CHN2: variants seen among roughly 807,000 people sequenced by gnomAD.
The protein encoded by CHN2 is chimerin 2, also known as beta-chimaerin.
CHN2 carries 35 observed loss-of-function variants against 56.3 expected under a neutral mutation model. The ratio of observed to expected loss-of-function variants is 0.62; its 90% CI spans 0.47 to 0.82. The LOEUF (loss-of-function observed/expected upper bound fraction) is 0.82, where lower values mean the gene tolerates loss of function less well. Among genes scored for constraint, CHN2 ranks in the 40% least tolerant of loss-of-function variants. CHN2 has a pLI of 0.00. For synonymous variants in CHN2, 210 were observed against 212.8 expected (o/e 0.99, Z 0.12); for missense variants, 491 against 580.5 (o/e 0.85, Z 1.58).
At chr7:29,398,340 C>T in intron 4 of CHN2, 33 bp from the exon 5 acceptor site, 1 of 1,474,152 alleles carries the variant, frequency 6.8e-7, no homozygotes, top group Non-Finnish European at 9.5e-7. Context: ...TGTATGTGGT[C>T]TGTTCAGAGC....
intron 1 of CHN2, among the ~76,000 whole-genome samples, chr7:29,243,277 A>G (rs1787826189): frequency 6.6e-6 from 1 of 152,140 alleles, no homozygotes; most frequent in African/African-American, 2.4e-5. Context: ...CTCATTTTTC[A>G]TAGAACAATT....
intron 2 of CHN2, among the ~76,000 whole-genome samples, chr7:29,155,574 T>A (rs1478106268): frequency 6.6e-6 from 1 of 152,160 alleles, no homozygotes; most frequent in Non-Finnish European, 1.5e-5. Context: ...CAAGCATAGG[T>A]CTCTCTGACA....
At position 29,393,811 on chromosome 7, in the gene CHN2, G is replaced by C. The variant is rs968888875; in HGVS notation, c.176+101G>C. On this transcript the variant is annotated intron_variant, in intron 4 of 12. Transcript: ENST00000222792. ...TTCTAATATATGGTCATCATCATAT[G>C]TCTATTGTGCAAGAGTTTAATGATA... is the stretch of plus-strand genomic sequence containing the variant. 3 of 401,306 alleles carry C rather than the reference G, an allele frequency of 7.5e-6. No individual in the cohort carries two copies. The Admixed American group carries it at 1.4e-4, about 19-fold the overall frequency. The allele number at this position is 401,306 out of a possible 1,614,324, so 24.9% of individuals were successfully genotyped here. A position where few individuals can be genotyped will look rare whatever the true frequency, so the allele number is the denominator to read the frequency against.
intron 4 of CHN2, among the ~76,000 whole-genome samples, chr7:29,394,950 A>T (rs1370204836): frequency 6.6e-6 from 1 of 152,228 alleles, no homozygotes; most frequent in African/African-American, 2.4e-5. Flanking sequence ...TACCAAAAGG[A>T]ACATCTTTTA....
intron 3 of CHN2, among the ~76,000 whole-genome samples, chr7:29,381,980 T>C (rs1800549569): frequency 6.6e-6 from 1 of 152,090 alleles, no homozygotes; most frequent in Non-Finnish European, 1.5e-5. Context: ...ATGGTTAGCG[T>C]CAGAGTTCCA....
intron 2 of CHN2, among the ~76,000 whole-genome samples, chr7:29,176,501 G>A (rs1336923970): frequency 1.3e-5 from 2 of 152,134 alleles, no homozygotes; most frequent in Admixed American, 6.5e-5. Context: ...TTAACTGTCA[G>A]CTTGAATCCT....
intron 1 of CHN2, among the ~76,000 whole-genome samples, chr7:29,201,716 T>C (rs1357537995): frequency 2.6e-5 from 4 of 152,182 alleles, no homozygotes; most frequent in South Asian, 2.1e-4. Flanking sequence ...GGCTACCATA[T>C]TGGACTACAC....
chr7:29,457,245 C>T (rs1784833908), intron 6 of CHN2, among the ~76,000 whole-genome samples: 1 of 152,136 alleles, frequency 6.6e-6, no homozygotes, highest in Non-Finnish European at 1.5e-5. Flanking sequence ...GCAGTGACAG[C>T]ACCATGTCCT....
intron 1 of CHN2, among the ~76,000 whole-genome samples, chr7:29,241,017 C>T (rs1021237265): frequency 1.3e-5 from 2 of 152,158 alleles, no homozygotes; most frequent in Admixed American, 6.5e-5. Flanking sequence ...TCCTGCACAG[C>T]TGGGATTACA....
chr7:29,250,503 A>C (rs532111721), intron 1 of CHN2, among the ~76,000 whole-genome samples: 18 of 152,330 alleles, frequency 1.2e-4, no homozygotes, highest in Admixed American at 8.5e-4. Context: ...TGATGTAGGA[A>C]GGTACAGAAG....
At chr7:29,465,120 T>C (rs1227199144) in intron 6 of CHN2, among the ~76,000 whole-genome samples, 1 of 152,226 alleles carries the variant, frequency 6.6e-6, no homozygotes, top group Non-Finnish European at 1.5e-5. Flanking sequence ...TACACATCTT[T>C]CATGCAACTT....
At chr7:29,347,110 A>G (rs1318773804) in intron 1 of CHN2, among the ~76,000 whole-genome samples, 2 of 152,212 alleles carry the variant, frequency 1.3e-5, no homozygotes, top group African/African-American at 2.4e-5. Flanking sequence ...GTCTTAAGGC[A>G]TCAAAAATTA....
intron 2 of CHN2, among the ~76,000 whole-genome samples, chr7:29,177,065 A>G (rs1307691527): frequency 1.3e-5 from 2 of 151,868 alleles, no homozygotes; most frequent in Non-Finnish European, 2.9e-5. Context: ...AATATAAAAT[A>G]GTTATCTCCT....
chr7:29,452,361 C>G (rs2128131637), intron 6 of CHN2, among the ~76,000 whole-genome samples: 1 of 152,208 alleles, frequency 6.6e-6, no homozygotes, highest in South Asian at 2.1e-4. Context: ...TTAAGGAGGC[C>G]CTTACTCTTG....
rs376112362 is a variant in CHN2 at position 29,280,436 on chromosome 7, G to A, written c.50-74189G>A. 1.2e-4 allele frequency among the ~76,000 whole-genome samples: 18 copies of A among 152,138 alleles called. 2 individuals are homozygous for A. Among genetic ancestry groups the A allele is most frequent in the East Asian group, 9.7e-4 (5 of 5,172 alleles). On this transcript the variant is annotated intron_variant, in intron 1 of 12. Coordinates refer to ENST00000222792, the MANE Select transcript of CHN2 (RefSeq NM_004067.4). ...AATAAAAATAGGGAAGAGGAGCAGT[G>A]TTTTAGAGGGACAGGAAAGTTAATG...
At chr7:29,195,800 T>C (rs546020249) in intron 1 of CHN2, among the ~76,000 whole-genome samples, 2 of 152,220 alleles carry the variant, frequency 1.3e-5, no homozygotes, top group South Asian at 4.1e-4. Flanking sequence ...TCGGGTCTAA[T>C]TGAAGAGAAA....
At position 29,354,519 on chromosome 7, in the gene CHN2, C is replaced by T. The variant is rs540563836; in HGVS notation, c.50-106C>T. 2.1e-4 allele frequency: 204 copies of T among 956,250 alleles called. No individual in the cohort carries two copies. The African/African-American group carries it at 3.0e-3, about 14-fold the overall frequency. The allele number at this position is 956,250 out of a possible 1,614,324, so 59.2% of individuals were successfully genotyped here. A position where few individuals can be genotyped will look rare whatever the true frequency, so the allele number is the denominator to read the frequency against. On this transcript the variant is annotated intron_variant, in intron 1 of 12. Transcript: ENST00000222792. ...AATGAGAAGAGAGTCCCCCTGAGAC[C>T]CGCATGCAAGTACTGTGGACAGACT...
At chr7:29,257,495 T>G (rs1056040866) in intron 1 of CHN2, among the ~76,000 whole-genome samples, 1 of 152,180 alleles carries the variant, frequency 6.6e-6, no homozygotes. Flanking sequence ...TCATCTTTTC[T>G]CCTTTCCACT....
At chr7:29,433,903 G>A (rs1255531151) in intron 6 of CHN2, among the ~76,000 whole-genome samples, 4 of 151,758 alleles carry the variant, frequency 2.6e-5, no homozygotes, top group Admixed American at 6.6e-5. Flanking sequence ...GGGATGAAGG[G>A]AAGAAAGGAA....
Sources: gnomAD v4.1 joint callset for allele counts (sites outside exome capture counted in the v4.1 genomes callset) on GRCh38, gnomAD v4.1.1 for gene constraint, MANE v1.5 for transcripts, NCBI Gene and HGNC (gene_info 2026-07-23, HGNC 2026-07-21) for gene names.